Variants in TMEM42 observed in about 807,000 individuals in gnomAD.
The protein encoded by TMEM42 is transmembrane protein 42.
A neutral mutation model predicts 14.0 loss-of-function variants in TMEM42; 8 were observed. The observed-to-expected ratio is 0.57, with a 90% CI of 0.34 to 1.03. The LOEUF (loss-of-function observed/expected upper bound fraction) is 1.03, where lower values mean the gene tolerates loss of function less well. TMEM42 is among the 50% of genes least tolerant of loss of function. The probability of loss-of-function intolerance (pLI) is 0.03; values close to 1 mark genes in which losing one functional copy is unlikely to be tolerated. For synonymous variants in TMEM42, 115 were observed against 94.3 expected (o/e 1.22, Z -1.27); for missense variants, 211 against 219.8 (o/e 0.96, Z 0.25).
chr3:44,862,066 G>C lies in TMEM42; in HGVS notation c.142G>C (p.Ala48Pro), dbSNP rs549442571. The C allele has an allele frequency of 7.6e-7, 1 of 1,316,834 alleles. No homozygotes were observed. The highest frequency in any genetic ancestry group is 2.9e-5 in the East Asian group (1 of 34,616). The allele number at this position is 1,316,834 out of a possible 1,614,324, so 81.6% of individuals were successfully genotyped here. A position where few individuals can be genotyped will look rare whatever the true frequency, so the allele number is the denominator to read the frequency against. Residue 48 changes from alanine (A) to proline (P), a missense_variant, in exon 1 of 3, where the codon GCG becomes CCG. Physicochemically the swap from Ala to Pro is conservative, Grantham distance 27 (BLOSUM62 -1). Coordinates refer to ENST00000302392, the MANE Select transcript of TMEM42 (RefSeq NM_144638.3). ...WGVFNCLCAGAFGALAAASAK... is the reference protein window; with the variant it reads ...WGVFNCLCAGPFGALAAASAK... ...CGTATTCAACTGTCTGTGCGCCGGC[G>C]CGTTCGGGGCCCTGGCCGCCGCCTC...
chr3:44,862,442 GGAA>G, intron 1 of TMEM42: 1 of 152,998 alleles, frequency 6.5e-6, no homozygotes, highest in East Asian at 1.9e-4. Flanking sequence ...TCGCTCTCGG[GGAA>G]GAACTACACC....
Position 44,862,124 on chromosome 3 carries a change from C to T in TMEM42, c.192+8C>T, listed in dbSNP as rs780040589. The T allele has an allele frequency of 6.4e-6, 5 of 780,106 alleles. No homozygotes were observed. The highest frequency in any genetic ancestry group is 7.9e-6 in the Non-Finnish European group (5 of 633,556). The allele number at this position is 780,106 out of a possible 1,614,324, so 48.3% of individuals were successfully genotyped here. A position where few individuals can be genotyped will look rare whatever the true frequency, so the allele number is the denominator to read the frequency against. On this transcript the variant is annotated splice_region_variant and intron_variant, in intron 1 of 2. Transcript: ENST00000302392. ...CTGGCCTTCGGCAGCGAGGTCGAGC[C>T]CGGGGCGCTGTTGGTGCTGCTGCTG...
chr3:44,864,298 A>G lies in TMEM42; in HGVS notation c.294A>G (p.Ser98=). The G allele has an allele frequency of 6.2e-7, 1 of 1,614,204 alleles. No homozygotes were observed. The highest frequency in any genetic ancestry group is 8.5e-7 in the Non-Finnish European group (1 of 1,180,036). The change falls in exon 2 of 3, where the codon TCA becomes TCG. Residue 98 remains serine (S), a synonymous_variant. Transcript: ENST00000302392. ...FSRGLSFSMS[S]AIASVTVTFS... ...GGGGCCTCAGTTTCTCCATGTCTTC[A>G]GCCATTGCATCTGTCACAGTGACTT...
Position 44,861,922 on chromosome 3 carries a change from A to G in TMEM42, c.-3A>G, listed in dbSNP as rs970008387. ...GGTGCCAGGCACGGTGTCAGCAGGC[A>G]ACATGGCCGAGAGGCCGGGGCCTCC... On this transcript the variant is annotated 5_prime_UTR_variant, in exon 1 of 3. Transcript: ENST00000302392. 4 of 1,454,378 alleles carry G rather than the reference A, an allele frequency of 2.8e-6. No homozygotes were observed. In the African/African-American group the frequency reaches 6.0e-5, roughly 22 times the overall value. The allele number at this position is 1,454,378 out of a possible 1,614,324, so 90.1% of individuals were successfully genotyped here.
In TMEM42 at chr3:44,864,214, C is replaced by T. The variant is rs760118446; in HGVS notation, c.210C>T (p.Cys70=). The T allele has an allele frequency of 1.2e-5, 20 of 1,613,918 alleles. No homozygotes were observed. Among genetic ancestry groups the T allele is most frequent in the Non-Finnish European group, 1.6e-5 (19 of 1,180,038 alleles). The stretch of plus-strand genomic sequence containing the variant: ...TCCTGCAGGTGAGCATGGGTTTATG[C>T]GTCTTAGGCATTATTGTGATGGCGA... The part of the protein sequence containing the change: ...AFGSEVSMGL[C]VLGIIVMAST... Residue 70 remains cysteine, a synonymous_variant, in exon 2 of 3, where the codon TGC becomes TGT. Coordinates refer to ENST00000302392, the MANE Select transcript of TMEM42 (RefSeq NM_144638.3).
chr3:44,864,480 A>G (rs1390457961), intron 2 of TMEM42, 137 bp downstream of exon 2: 1 of 980,256 alleles, frequency 1.0e-6, no homozygotes, highest in South Asian at 1.6e-5. Context: ...TGACCCCTGG[A>G]TGAGTGCTCT....
chr3:44,865,169 A>C lies in TMEM42; in HGVS notation c.469A>C (p.Lys157Gln). 6.2e-7 allele frequency: 1 copy of C among 1,614,192 alleles called. No individual in the cohort carries two copies. Among genetic ancestry groups the C allele is most frequent in the Non-Finnish European group, 8.5e-7 (1 of 1,180,034 alleles). Residue 157 changes from lysine (K) to glutamine (Q), a missense_variant, in exon 3 of 3, where the codon AAG (lysine) becomes CAG (glutamine). By Grantham distance (53) the Lys-to-Gln change is moderately conservative. Coordinates refer to ENST00000302392, the MANE Select transcript of TMEM42 (RefSeq NM_144638.3). ...ACCCACCTGGAAGCCCCTTCCACAC[A>C]AGCAGCAGTAGCACCACTTGGCTAG... Reference protein sequence around the residue: ...LPPTWKPLPHKQQ With the variant: ...LPPTWKPLPHQQQ
chr3:44,863,981 G>A (rs1026028073), intron 1 of TMEM42: 7 of 560,212 alleles, frequency 1.2e-5, no homozygotes, highest in South Asian at 2.5e-5. Flanking sequence ...GGCCAAATGA[G>A]TATCTTCTCT....
intron 1 of TMEM42, 146 bp from the exon 2 acceptor site, chr3:44,864,051 G>T (rs1699293101): frequency 1.2e-6 from 1 of 860,244 alleles, no homozygotes; most frequent in South Asian, 1.6e-5. Flanking sequence ...GAAGCCCTGT[G>T]CAGGAAAGCT....
chr3:44,862,288 G>A, intron 1 of TMEM42, 172 bp downstream of exon 1: 1 of 267,408 alleles, frequency 3.7e-6, no homozygotes, highest in Non-Finnish European at 5.8e-6. Context: ...GGCCGCGGGC[G>A]GCGCTGCGGT....
rs940754966 is a variant in TMEM42 at position 44,862,269 on chromosome 3, G to T, written c.192+153G>T. The T allele has an allele frequency of 2.0e-5, 9 of 446,304 alleles. No homozygotes were observed. The Admixed American group carries it at 5.7e-4, about 28-fold the overall frequency. The allele number at this position is 446,304 out of a possible 1,614,324, so 27.6% of individuals were successfully genotyped here. On this transcript the variant is annotated intron_variant, in intron 1 of 2. Coordinates refer to ENST00000302392, the MANE Select transcript of TMEM42 (RefSeq NM_144638.3). The stretch of plus-strand genomic sequence containing the variant: ...CGCACCCTCGCCGGTCTGTCCCGCC[G>T]GGGCCCCGGGCCGCGGGCGGCGCTG...
chr3:44,864,033 G>A (rs1312121932), intron 1 of TMEM42, 164 bp from the exon 2 acceptor site: 1 of 709,776 alleles, frequency 1.4e-6, no homozygotes, highest in South Asian at 1.9e-5. Context: ...GCCCACTGAG[G>A]GTTAAGTGAA....
chr3:44,861,942 G>A lies in TMEM42; in HGVS notation c.18G>A (p.Gly6=). 1 of 1,420,582 alleles carries A rather than the reference G, an allele frequency of 7.0e-7. No homozygotes were observed. 88.0% of individuals were successfully genotyped at this position (1,420,582 alleles called of 1,614,324 possible). Residue 6 remains glycine (G), a synonymous_variant, in exon 1 of 3, where the codon GGG becomes GGA. Transcript: ENST00000302392. MAERP[G]PPGGAVSATA... is the part of the protein sequence containing the mutation. ...CAGGCAACATGGCCGAGAGGCCGGG[G>A]CCTCCGGGCGGCGCCGTGTCCGCGA...
intron 1 of TMEM42, 22 bp downstream of exon 1, chr3:44,862,138 G>A (rs2125738598): frequency 1.4e-5 from 17 of 1,197,072 alleles, no homozygotes; most frequent in East Asian, 3.4e-5. Context: ...GGCGCTGTTG[G>A]TGCTGCTGCT....
chr3:44,862,151 G>T, intron 1 of TMEM42, 35 bp downstream of exon 1: 2 of 1,048,456 alleles, frequency 1.9e-6, no homozygotes, highest in Non-Finnish European at 1.2e-6. Context: ...CTGCTGCTGC[G>T]GGCGGGCGGG....
chr3:44,862,567 C>T (rs1471132340), intron 1 of TMEM42: 1 of 152,472 alleles, frequency 6.6e-6, no homozygotes, highest in Non-Finnish European at 1.5e-5. Flanking sequence ...CCGTAATTAA[C>T]GGGTGTTGTG....
chr3:44,864,739 G>A (rs1163358835), intron 2 of TMEM42, among the ~76,000 whole-genome samples: 1 of 152,182 alleles, frequency 6.6e-6, no homozygotes, highest in Non-Finnish European at 1.5e-5. Flanking sequence ...GCTGAGCGTA[G>A]TCAATCTTGA....
intron 2 of TMEM42, among the ~76,000 whole-genome samples, chr3:44,864,642 C>G (rs1273677165): frequency 6.6e-6 from 1 of 152,212 alleles, no homozygotes; most frequent in Non-Finnish European, 1.5e-5. Context: ...TCCTAGGGTT[C>G]TGTGTACTCA....
rs1575703187 is a variant in TMEM42 at position 44,864,457 on chromosome 3, T to C, written c.339+114T>C. On this transcript the variant is annotated intron_variant, in intron 2 of 2. Transcript: ENST00000302392. ...GAAAGGACAGGAACTGAAGCAGAGGTTGGGCTGTGGCTTGACCCCTGGATG... is the reference window on the plus strand; with the variant it reads ...GAAAGGACAGGAACTGAAGCAGAGGCTGGGCTGTGGCTTGACCCCTGGATG... 2.2e-6 allele frequency: 3 copies of C among 1,380,484 alleles called. No individual in the cohort carries two copies. The East Asian group carries it at 7.0e-5, about 32-fold the overall frequency. The allele number at this position is 1,380,484 out of a possible 1,614,324, so 85.5% of individuals were successfully genotyped here. A position where few individuals can be genotyped will look rare whatever the true frequency, so the allele number is the denominator to read the frequency against.
Sources: gnomAD v4.1 joint callset for allele counts (sites outside exome capture counted in the v4.1 genomes callset) on GRCh38, gnomAD v4.1.1 for gene constraint, MANE v1.5 for transcripts, NCBI Gene and HGNC (gene_info 2026-07-23, HGNC 2026-07-21) for gene names.